DMXL2: variants seen among roughly 807,000 people sequenced by gnomAD.
DMXL2 encodes the protein Dmx like 2, also known as dmX-like protein 2.
Under a neutral mutation model 331.1 loss-of-function variants are expected in DMXL2, and 103 were observed. The observed-to-expected ratio is 0.31, with a 90% confidence interval of 0.27 to 0.37. The LOEUF (loss-of-function observed/expected upper bound fraction) is 0.37. Among genes scored for constraint, DMXL2 ranks in the 10% least tolerant of loss-of-function variants. The pLI is 1.00. For missense variants in DMXL2, 3,171 were observed against 3,642.9 expected (o/e 0.87, Z 3.33); for synonymous variants, 1,281 against 1,252.1 (o/e 1.02, Z -0.49).
intron 13 of DMXL2, among the ~76,000 whole-genome samples, chr15:51,522,050 GA>G (rs2047410317): frequency 6.6e-6 from 1 of 152,048 alleles, no homozygotes; most frequent in Non-Finnish European, 1.5e-5. Flanking sequence ...CTAAATACCT[GA>G]ATGAATGGAT....
chr15:51,458,161 G>GAAAC (rs539187234), intron 36 of DMXL2: 115 of 186,728 alleles, frequency 6.2e-4, no homozygotes, highest in African/African-American at 2.5e-3. Context: ...GTGATAAGAA[G>GAAAC]AAACACTGCA....
Position 51,576,182 on chromosome 15 carries a change from C to CAAAAAAAAAAA in DMXL2, c.88-2_88-1insTTTTTTTTTTT. 5.4e-6 allele frequency: 4 copies of CAAAAAAAAAAA among 734,546 alleles called. No individual in the cohort carries two copies. Among genetic ancestry groups the CAAAAAAAAAAA allele is most frequent in the Non-Finnish European group, 5.1e-6 (3 of 583,312 alleles). 45.5% of individuals were successfully genotyped at this position (734,546 alleles called of 1,614,324 possible). A position where few individuals can be genotyped will look rare whatever the true frequency, so the allele number is the denominator to read the frequency against. On this transcript the variant is annotated splice_acceptor_variant, in intron 1 of 43. Coordinates refer to ENST00000560891, the MANE Select transcript of DMXL2 (RefSeq NM_001378457.1). LOFTEE classifies it high-confidence loss of function. The stretch of plus-strand genomic sequence containing the variant: ...CAATATCACAGCCTGATCCATATGC[C>CAAAAAAAAAAA]TAAAAAAAAAAAAAAAAAAAAGTTT...
intron 33 of DMXL2, among the ~76,000 whole-genome samples, chr15:51,461,443 C>A (rs1479146644): frequency 6.6e-6 from 1 of 152,200 alleles, no homozygotes; most frequent in Non-Finnish European, 1.5e-5. Context: ...ATACTTAAAA[C>A]ATACTTGTGA....
chr15:51,612,974 C>T (rs1041779395), intron 1 of DMXL2, among the ~76,000 whole-genome samples: 10 of 152,190 alleles, frequency 6.6e-5, no homozygotes, highest in South Asian at 2.1e-4. Flanking sequence ...AAGAATTCAG[C>T]GATATTTCTC....
intron 33 of DMXL2, chr15:51,460,122 C>A (rs913682396): frequency 1.0e-6 from 1 of 960,806 alleles, no homozygotes; most frequent in African/African-American, 1.8e-5. Context: ...TGATTTTTCT[C>A]TAAGTAAATA....
At chr15:51,573,322 T>C (rs376334808) in intron 2 of DMXL2, among the ~76,000 whole-genome samples, 1 of 152,168 alleles carries the variant, frequency 6.6e-6, no homozygotes, top group Non-Finnish European at 1.5e-5. Flanking sequence ...GAAATACCAT[T>C]TGACCCACCA....
intron 13 of DMXL2, among the ~76,000 whole-genome samples, chr15:51,521,357 A>G (rs957825438): frequency 1.8e-4 from 27 of 151,810 alleles, no homozygotes; most frequent in African/African-American, 6.3e-4. Flanking sequence ...GTGAGTTAAT[A>G]TATATAAAAC....
chr15:51,484,117 C>T (rs1177831525), intron 23 of DMXL2, among the ~76,000 whole-genome samples: 1 of 152,032 alleles, frequency 6.6e-6, no homozygotes, highest in Non-Finnish European at 1.5e-5. Flanking sequence ...AGCAGCCATG[C>T]AATCGTGTCA....
At chr15:51,546,950 A>G (rs2048923806) in intron 7 of DMXL2, among the ~76,000 whole-genome samples, 1 of 152,142 alleles carries the variant, frequency 6.6e-6, no homozygotes, top group Admixed American at 6.6e-5. Context: ...AAAGGCCTGT[A>G]CTAAGCACTT....
intron 9 of DMXL2, among the ~76,000 whole-genome samples, chr15:51,541,305 G>T (rs774350212): frequency 5.9e-5 from 9 of 151,822 alleles, no homozygotes; most frequent in Non-Finnish European, 1.3e-4. Flanking sequence ...AATGAAACAG[G>T]TAATAGTAAT....
chr15:51,456,121 C>T lies in DMXL2; in HGVS notation c.8471G>A (p.Arg2824His), dbSNP rs375134611. 1.1e-5 allele frequency: 17 copies of T among 1,614,040 alleles called. No individual in the cohort carries two copies. The highest frequency in any genetic ancestry group is 4.0e-5 in the African/African-American group (3 of 74,922). Reference protein sequence around the residue: ...WTRPQQLVCFRQAGNARVTRL... With the variant: ...WTRPQQLVCFHQAGNARVTRL... ...AGTAACTCTTGCATTGCCAGCTTGACGAAAGCAGACAAGTTGCTGAGGCCG... is the reference window on the plus strand; with the variant it reads ...AGTAACTCTTGCATTGCCAGCTTGATGAAAGCAGACAAGTTGCTGAGGCCG... The change falls in exon 39 of 44, where the codon CGT becomes CAT. Residue 2824 changes from arginine (R) to histidine (H), a missense_variant. Transcript: ENST00000560891.
At chr15:51,488,271 T>A in intron 21 of DMXL2, 152 bp from the exon 22 acceptor site, 2 of 808,280 alleles carry the variant, frequency 2.5e-6, no homozygotes, top group Non-Finnish European at 3.7e-6. Flanking sequence ...TCTCTTCACT[T>A]CTTCTAAGAA....
At chr15:51,498,218 C>T (rs2043321732) in intron 18 of DMXL2, among the ~76,000 whole-genome samples, 1 of 152,070 alleles carries the variant, frequency 6.6e-6, no homozygotes, top group African/African-American at 2.4e-5. Flanking sequence ...CCAGCTTGGG[C>T]AACAGAGCAA....
chr15:51,457,522 T>G lies in DMXL2; in HGVS notation c.8199-56A>C. 5 of 1,588,430 alleles carry G rather than the reference T, an allele frequency of 3.1e-6. No homozygotes were observed. In the South Asian group the frequency reaches 5.8e-5, roughly 18 times the overall value. ...CATTCCCTTTTCTCTTAACACAAAT[T>G]CCAACTAAAAATCTTCTTATGTACC... is the stretch of plus-strand genomic sequence containing the variant. On this transcript the variant is annotated intron_variant, in intron 36 of 43. Coordinates refer to ENST00000560891, the MANE Select transcript of DMXL2 (RefSeq NM_001378457.1).
At chr15:51,557,575 C>A (rs867959574) in intron 6 of DMXL2, among the ~76,000 whole-genome samples, 2 of 151,832 alleles carry the variant, frequency 1.3e-5, no homozygotes, top group Non-Finnish European at 2.9e-5. Context: ...ATAGATAAGA[C>A]GATCTTAAAA....
At chr15:51,459,698 G>A (rs1320621068) in intron 33 of DMXL2, 38 bp from the exon 34 acceptor site, 1 of 1,288,280 alleles carries the variant, frequency 7.8e-7, no homozygotes, top group Non-Finnish European at 1.0e-6. Context: ...CAAAACACAT[G>A]CATGGAATGA....
At chr15:51,570,997 G>T (rs1032083548) in intron 2 of DMXL2, among the ~76,000 whole-genome samples, 7 of 152,084 alleles carry the variant, frequency 4.6e-5, no homozygotes, top group South Asian at 2.1e-4. Flanking sequence ...TGGCAAACTG[G>T]ATAAAGAGTC....
intron 1 of DMXL2, among the ~76,000 whole-genome samples, chr15:51,596,701 G>T: frequency 6.6e-6 from 1 of 152,182 alleles, no homozygotes; most frequent in East Asian, 1.9e-4. Flanking sequence ...ACTGGATTAA[G>T]AAAATGTGGC....
intron 16 of DMXL2, among the ~76,000 whole-genome samples, chr15:51,505,601 T>C (rs2046354384): frequency 6.6e-6 from 1 of 152,206 alleles, no homozygotes; most frequent in African/African-American, 2.4e-5. Context: ...TCCAAAGGCT[T>C]TGAAAGAATT....
Sources: allele counts gnomAD v4.1 joint callset (sites outside exome capture counted in the v4.1 genomes callset), GRCh38; gene constraint gnomAD v4.1.1; transcripts MANE v1.5; gene names NCBI Gene and HGNC (gene_info 2026-07-23, HGNC 2026-07-21).